Variants in MYO1B observed in about 807,000 individuals in gnomAD.
MYO1B encodes the protein unconventional myosin-Ib.
A neutral mutation model predicts 159.7 loss-of-function variants in MYO1B; 72 were observed. That is an observed-to-expected ratio of 0.45 (90% confidence interval 0.37 to 0.55). The LOEUF is 0.55. Among genes scored for constraint, MYO1B ranks in the 20% least tolerant of loss-of-function variants. The probability of loss-of-function intolerance (pLI) is 0.00; values close to 1 mark genes in which losing one functional copy is unlikely to be tolerated. For synonymous variants in MYO1B, 468 were observed against 473.8 expected (o/e 0.99, Z 0.16); for missense variants, 1,062 against 1,364.8 (o/e 0.78, Z 3.50).
At chr2:191,383,707 A>T (rs1695235101) in intron 15 of MYO1B, among the ~76,000 whole-genome samples, 4 of 151,834 alleles carry the variant, frequency 2.6e-5, no homozygotes, top group African/African-American at 9.7e-5. Flanking sequence ...TGACCTTCAG[A>T]CACCAGGCCT....
chr2:191,353,003 A>G (rs988375708), intron 7 of MYO1B, among the ~76,000 whole-genome samples: 8 of 152,220 alleles, frequency 5.3e-5, no homozygotes, highest in African/African-American at 1.9e-4. Flanking sequence ...AACCTTGAAA[A>G]AGGCACAATA....
chr2:191,421,965 C>G (rs1697968601), intron 30 of MYO1B, among the ~76,000 whole-genome samples: 1 of 152,084 alleles, frequency 6.6e-6, no homozygotes, highest in Non-Finnish European at 1.5e-5. Context: ...AATGAAGAAC[C>G]CATTTAAAAG....
chr2:191,307,017 A>G (rs1174243339), intron 3 of MYO1B, among the ~76,000 whole-genome samples: 1 of 152,214 alleles, frequency 6.6e-6, no homozygotes, highest in Non-Finnish European at 1.5e-5. Context: ...GCAAGAAATA[A>G]TTCGAGGTGA....
At chr2:191,400,273 C>A in intron 21 of MYO1B, 109 bp from the exon 22 acceptor site, 1 of 1,180,956 alleles carries the variant, frequency 8.5e-7, no homozygotes, top group Non-Finnish European at 1.3e-6. Flanking sequence ...GTTGATTTAT[C>A]ACAATAGCAT....
chr2:191,352,349 T>G (rs191810881), intron 7 of MYO1B, among the ~76,000 whole-genome samples: 1 of 152,324 alleles, frequency 6.6e-6, no homozygotes, highest in East Asian at 1.9e-4. Flanking sequence ...TTTTTAAAAA[T>G]GAGAGTAGGT....
intron 3 of MYO1B, among the ~76,000 whole-genome samples, chr2:191,315,425 A>G (rs1690288460): frequency 6.6e-6 from 1 of 152,334 alleles, no homozygotes; most frequent in African/African-American, 2.4e-5. Context: ...TTTATAGTCA[A>G]TGTAATAAAA....
At position 191,267,420 on chromosome 2, in the gene MYO1B, T is replaced by G. The variant is rs557058223; in HGVS notation, c.-9-9467T>G. ...CCTCCTACTAGCATTCCATTAGACA[T>G]TTTCAGCAGAAAGCTTTAGAGAAAA... On this transcript the variant is annotated intron_variant, in intron 1 of 30. Coordinates refer to ENST00000392318, the MANE Select transcript of MYO1B (RefSeq NM_001130158.3). Among the ~76,000 whole-genome samples, 7 of 152,320 alleles carry G rather than the reference T, an allele frequency of 4.6e-5. No individual in the cohort carries two copies. In the East Asian group the frequency reaches 1.3e-3, roughly 29 times the overall value.
At chr2:191,351,584 T>C (rs1692929294) in intron 7 of MYO1B, among the ~76,000 whole-genome samples, 1 of 152,228 alleles carries the variant, frequency 6.6e-6, no homozygotes, top group Non-Finnish European at 1.5e-5. Flanking sequence ...CATTCTGTAG[T>C]TCTTAAATAA....
intron 1 of MYO1B, among the ~76,000 whole-genome samples, chr2:191,255,068 C>T (rs1223165465): frequency 6.7e-6 from 1 of 150,058 alleles, no homozygotes; most frequent in Non-Finnish European, 1.5e-5. Flanking sequence ...GCTAGGACTA[C>T]AGGCAGCATC....
At chr2:191,328,716 ATGCTT>A (rs1405048437) in intron 3 of MYO1B, among the ~76,000 whole-genome samples, 2 of 152,176 alleles carry the variant, frequency 1.3e-5, no homozygotes, top group African/African-American at 4.8e-5. Context: ...TCTCTTCATT[ATGCTT>A]TGCTTTGCCT....
chr2:191,388,658 G>A (rs562069620), intron 17 of MYO1B, among the ~76,000 whole-genome samples: 1 of 152,060 alleles, frequency 6.6e-6, no homozygotes, highest in East Asian at 1.9e-4. Flanking sequence ...AAAAACCCAA[G>A]AAACTTTCTG....
chr2:191,364,141 C>T lies in MYO1B; in HGVS notation c.914-17C>T, dbSNP rs202136230. ...GTGTACAGTCACTTTTTGTGTCCAT[C>T]CCCTGCCTTCCCACAGAGTTAAAAG... On this transcript the variant is annotated splice_polypyrimidine_tract_variant and intron_variant, in intron 10 of 30. Coordinates refer to ENST00000392318, the MANE Select transcript of MYO1B (RefSeq NM_001130158.3). The T allele has an allele frequency of 5.6e-6, 9 of 1,598,476 alleles. No homozygotes were observed. Among genetic ancestry groups the T allele is most frequent in the Non-Finnish European group, 6.0e-6 (7 of 1,166,276 alleles).
chr2:191,253,650 G>A (rs1440453738), intron 1 of MYO1B, among the ~76,000 whole-genome samples: 1 of 151,676 alleles, frequency 6.6e-6, no homozygotes, highest in Admixed American at 6.6e-5. Flanking sequence ...TTAAATTATT[G>A]GAATTCCCAC....
chr2:191,339,856 C>T (rs13427335), intron 4 of MYO1B, among the ~76,000 whole-genome samples: 5,382 of 152,228 alleles, frequency 0.035, 311 homozygotes, highest in African/African-American at 0.12. Context: ...CTCAGGAATA[C>T]GTTGGGCAGT....
intron 20 of MYO1B, among the ~76,000 whole-genome samples, chr2:191,395,471 A>G (rs1696014114): frequency 6.6e-6 from 1 of 152,242 alleles, no homozygotes; most frequent in Non-Finnish European, 1.5e-5. Flanking sequence ...AGGGGGGCTG[A>G]GCCAGCTGGC....
intron 1 of MYO1B, among the ~76,000 whole-genome samples, chr2:191,260,693 G>A (rs1686759618): frequency 6.6e-6 from 1 of 152,040 alleles, no homozygotes; most frequent in Admixed American, 6.6e-5. Context: ...TTTTAAAGAA[G>A]TATGTAATTT....
At chr2:191,390,661 G>T (rs1313481223) in intron 18 of MYO1B, among the ~76,000 whole-genome samples, 169 bp downstream of exon 18, 3 of 152,188 alleles carry the variant, frequency 2.0e-5, no homozygotes, top group Non-Finnish European at 2.9e-5. Context: ...GTCAAAATAA[G>T]ACTTACCAAA....
rs554718403 is a variant in MYO1B at position 191,416,762 on chromosome 2, C to T, written c.3287+520C>T. ...CCGGGAGGCGGAGATTGCAATGAGC[C>T]GAGATCGTGCCACCGCAATCCAGCC... On this transcript the variant is annotated intron_variant, in intron 30 of 30. Coordinates refer to ENST00000392318, the MANE Select transcript of MYO1B (RefSeq NM_001130158.3). 7.3e-4 allele frequency among the ~76,000 whole-genome samples: 110 copies of T among 151,724 alleles called. 1 individual carries two copies. The highest frequency in any genetic ancestry group is 2.6e-3 in the African/African-American group (109 of 41,360).
At chr2:191,400,968 T>G in intron 23 of MYO1B, 133 bp downstream of exon 23, 1 of 800,156 alleles carries the variant, frequency 1.2e-6, no homozygotes, top group Non-Finnish European at 2.0e-6. Flanking sequence ...CCGCCAGATT[T>G]AACACACCTG....
Sources: allele counts gnomAD v4.1 joint callset (sites outside exome capture counted in the v4.1 genomes callset), GRCh38; gene constraint gnomAD v4.1.1; transcripts MANE v1.5; gene names NCBI Gene and HGNC (gene_info 2026-07-23, HGNC 2026-07-21).